Variants in NRXN3 observed in about 807,000 individuals in gnomAD.
NRXN3 encodes neurexin III.
Under a neutral mutation model 137.6 loss-of-function variants are expected in NRXN3, and 32 were observed. That is an observed-to-expected ratio of 0.23 (90% CI 0.18 to 0.31). NRXN3 has a LOEUF of 0.31. Among genes scored for constraint, NRXN3 ranks in the 10% least tolerant of loss-of-function variants. The pLI is 1.00. For missense variants in NRXN3, 1,574 were observed against 2,062.5 expected (o/e 0.76, Z 4.59); for synonymous variants, 798 against 784.5 (o/e 1.02, Z -0.29).
At chr14:79,487,795 G>A (rs961944396) in intron 16 of NRXN3, among the ~76,000 whole-genome samples, 2 of 152,110 alleles carry the variant, frequency 1.3e-5, no homozygotes, top group Non-Finnish European at 2.9e-5. Flanking sequence ...CGGTATCAGG[G>A]AGTGTTATTA....
chr14:79,402,001 C>T (rs2095212584), intron 15 of NRXN3, among the ~76,000 whole-genome samples: 2 of 152,094 alleles, frequency 1.3e-5, no homozygotes, highest in South Asian at 2.1e-4. Flanking sequence ...ACTGAAGCTT[C>T]GAATTCCCGG....
chr14:79,039,847 A>G (rs550960416), intron 15 of NRXN3, among the ~76,000 whole-genome samples: 1 of 152,118 alleles, frequency 6.6e-6, no homozygotes, highest in African/African-American at 2.4e-5. Flanking sequence ...GCATGCCACC[A>G]TATCTGGCTA....
intron 15 of NRXN3, among the ~76,000 whole-genome samples, chr14:79,415,008 T>G (rs2095476058): frequency 6.6e-6 from 1 of 152,138 alleles, no homozygotes; most frequent in East Asian, 1.9e-4. Context: ...GTCCTCTAGG[T>G]TTATCCATGT....
intron 19 of NRXN3, among the ~76,000 whole-genome samples, chr14:79,724,377 T>C (rs1377773895): frequency 6.6e-6 from 1 of 152,144 alleles, no homozygotes; most frequent in South Asian, 2.1e-4. Flanking sequence ...CCCTTTATTA[T>C]GTCCATGAAT....
chr14:78,377,466 T>C (rs904698128), intron 4 of NRXN3, among the ~76,000 whole-genome samples: 1 of 152,220 alleles, frequency 6.6e-6, no homozygotes, highest in African/African-American at 2.4e-5. Flanking sequence ...GGCTTCACAG[T>C]CTTCTCAAAA....
rs186144784 is a variant in NRXN3 at position 78,856,165 on chromosome 14, C to A, written c.2275+45821C>A. On this transcript the variant is annotated intron_variant, in intron 10 of 20. Coordinates refer to ENST00000335750, the MANE Select transcript of NRXN3 (RefSeq NM_001330195.2). ...GGCATTCCACAGGAGGTCTATGAAG[C>A]TTTTCACAGTTGCAAAGTCATTTTT... is the stretch of plus-strand genomic sequence containing the variant. Among the ~76,000 whole-genome samples the A allele has an allele frequency of 8.3e-4, 127 of 152,290 alleles. 1 individual carries two copies. The highest frequency in any genetic ancestry group is 3.4e-3 in the Middle Eastern group (1 of 294).
chr14:79,808,663 A>G (rs1236596414), intron 20 of NRXN3, among the ~76,000 whole-genome samples: 1 of 152,148 alleles, frequency 6.6e-6, no homozygotes, highest in Non-Finnish European at 1.5e-5. Flanking sequence ...TTTATGAGGC[A>G]TTTAACTTCT....
intron 16 of NRXN3, among the ~76,000 whole-genome samples, chr14:79,656,230 C>T (rs986549417): frequency 2.0e-5 from 3 of 152,156 alleles, no homozygotes; most frequent in East Asian, 1.9e-4. Context: ...GGAAACCGGA[C>T]GTTTATGGGA....
rs1286008919 is a variant in NRXN3 at position 79,784,610 on chromosome 14, GTTGC to G, written c.4015-20499_4015-20496del. On this transcript the variant is annotated intron_variant, in intron 19 of 20. Coordinates refer to ENST00000335750, the MANE Select transcript of NRXN3 (RefSeq NM_001330195.2). Reference sequence around the variant, plus strand: ...TGCATTTGTAGGTACTTTTTGTTGTGTTGCTTTTTTTTTTTTTTTTTTTTTTTTA... The same window carrying G: ...TGCATTTGTAGGTACTTTTTGTTGTGTTTTTTTTTTTTTTTTTTTTTTTTA... Among the ~76,000 whole-genome samples the G allele has an allele frequency of 8.3e-3, 811 of 97,204 alleles. 2 individuals carry two copies. Among genetic ancestry groups the G allele is most frequent in the South Asian group, 0.028 (82 of 2,896 alleles). 63.8% of individuals were successfully genotyped at this position (97,204 alleles called of 152,430 possible).
chr14:79,029,172 A>C (rs959961166), intron 15 of NRXN3, among the ~76,000 whole-genome samples: 10 of 152,010 alleles, frequency 6.6e-5, no homozygotes, highest in Non-Finnish European at 1.5e-4. Flanking sequence ...GAGAGAGGAA[A>C]TATGGTATAT....
At chr14:78,327,652 C>T (rs772945450) in intron 4 of NRXN3, among the ~76,000 whole-genome samples, 7 of 152,122 alleles carry the variant, frequency 4.6e-5, no homozygotes, top group Admixed American at 1.3e-4. Context: ...GCCTATTATC[C>T]GCCTACTGCT....
chr14:78,863,213 A>T (rs2152536394), intron 10 of NRXN3, among the ~76,000 whole-genome samples: 1 of 152,306 alleles, frequency 6.6e-6, no homozygotes, highest in South Asian at 2.1e-4. Context: ...TACTGAATTT[A>T]TATGAACCAA....
At chr14:78,980,604 A>G (rs2099486982) in intron 14 of NRXN3, among the ~76,000 whole-genome samples, 1 of 152,226 alleles carries the variant, frequency 6.6e-6, no homozygotes, top group Admixed American at 6.5e-5. Context: ...AGTAACAGGC[A>G]TAAAATGGTT....
At chr14:78,722,689 C>T (rs1040943095) in intron 8 of NRXN3, among the ~76,000 whole-genome samples, 36 of 152,284 alleles carry the variant, frequency 2.4e-4, no homozygotes, top group African/African-American at 7.2e-4. Flanking sequence ...TCACTTTCTA[C>T]GTGAAGAAAT....
chr14:79,294,505 C>T (rs1009024013), intron 15 of NRXN3, among the ~76,000 whole-genome samples: 1 of 152,088 alleles, frequency 6.6e-6, no homozygotes, highest in African/African-American at 2.4e-5. Flanking sequence ...GGTAGGAGGA[C>T]AGGTAGTATG....
intron 15 of NRXN3, among the ~76,000 whole-genome samples, chr14:79,330,283 A>G (rs1016489542): frequency 1.3e-5 from 2 of 152,132 alleles, no homozygotes; most frequent in Admixed American, 6.6e-5. Context: ...GGGATTTGCA[A>G]TGATGGAAAT....
chr14:79,542,644 C>T (rs1420427656), intron 16 of NRXN3, among the ~76,000 whole-genome samples: 2 of 152,128 alleles, frequency 1.3e-5, no homozygotes, highest in African/African-American at 4.8e-5. Context: ...TAAGCTTTCT[C>T]CCTCCCTTTC....
At position 78,308,281 on chromosome 14, in the gene NRXN3, G is replaced by A. The variant is rs2077577684; in HGVS notation, c.757+10421G>A. ...TGCCTTTTAAATGGTTGCTAATTCT[G>A]ACAATTAATGCTGTTCTGTGAGTGT... On this transcript the variant is annotated intron_variant, in intron 4 of 20. Transcript: ENST00000335750. Among the ~76,000 whole-genome samples, 5 of 152,110 alleles carry A rather than the reference G, an allele frequency of 3.3e-5. No individual in the cohort carries two copies. In the South Asian group the frequency reaches 1.0e-3, roughly 31 times the overall value.
At chr14:79,224,997 T>C (rs1376059929) in intron 15 of NRXN3, among the ~76,000 whole-genome samples, 1 of 152,074 alleles carries the variant, frequency 6.6e-6, no homozygotes, top group Non-Finnish European at 1.5e-5. Flanking sequence ...AGGAAACTAA[T>C]ACAGGAGTCA....
Sources: gnomAD v4.1 joint callset for allele counts (sites outside exome capture counted in the v4.1 genomes callset) on GRCh38, gnomAD v4.1.1 for gene constraint, MANE v1.5 for transcripts, NCBI Gene and HGNC (gene_info 2026-07-23, HGNC 2026-07-21) for gene names.